Variants in TAFA4 observed in about 807,000 individuals in gnomAD.
TAFA4 encodes TAFA chemokine like family member 4.
In TAFA4, 20 loss-of-function variants were observed where a neutral mutation model predicts 21.1. The ratio of observed to expected loss-of-function variants is 0.95; its 90% confidence interval spans 0.67 to 1.38. The LOEUF (loss-of-function observed/expected upper bound fraction) is 1.38. Among genes scored for constraint, TAFA4 ranks in the 40% most tolerant of loss-of-function variants. The pLI is 0.00. For missense variants in TAFA4, 211 were observed against 180.9 expected, an observed-to-expected ratio of 1.17 and a Z score of -0.95; for synonymous variants, 71 against 67.4, an observed-to-expected ratio of 1.05 and a Z score of -0.26.
At chr3:68,795,662 G>C (rs1703441971) in intron 3 of TAFA4, among the ~76,000 whole-genome samples, 1 of 152,140 alleles carries the variant, frequency 6.6e-6, no homozygotes, top group South Asian at 2.1e-4. Context: ...AAATCCAGAG[G>C]AAAGTAGAGG....
At chr3:68,881,431 A>T (rs2089617269) in intron 2 of TAFA4, among the ~76,000 whole-genome samples, 1 of 152,184 alleles carries the variant, frequency 6.6e-6, no homozygotes, top group Admixed American at 6.5e-5. Flanking sequence ...GTTGCTCAAA[A>T]ACAATTCCGT....
intron 4 of TAFA4, among the ~76,000 whole-genome samples, chr3:68,750,227 T>A (rs574644172): frequency 3.0e-4 from 46 of 152,186 alleles, no homozygotes; most frequent in African/African-American, 1.1e-3. Flanking sequence ...AGCCCAGCAG[T>A]TCAAGGCAGC....
chr3:68,904,477 A>G (rs2089877889), intron 1 of TAFA4, among the ~76,000 whole-genome samples: 1 of 152,248 alleles, frequency 6.6e-6, no homozygotes, highest in Admixed American at 6.5e-5. Flanking sequence ...AAGCAGGCAA[A>G]TAATAGTAAA....
intron 3 of TAFA4, among the ~76,000 whole-genome samples, chr3:68,839,789 G>A (rs1412884899): frequency 2.6e-5 from 4 of 152,136 alleles, no homozygotes; most frequent in Non-Finnish European, 5.9e-5. Flanking sequence ...TACAGCTAAA[G>A]GGGAAAGCGT....
At chr3:68,878,713 A>T (rs965616260) in intron 3 of TAFA4, among the ~76,000 whole-genome samples, 2 of 152,170 alleles carry the variant, frequency 1.3e-5, no homozygotes, top group Non-Finnish European at 2.9e-5. Flanking sequence ...TGCCTGCTCA[A>T]TTATGATGGA....
rs777199118 is a variant in TAFA4, at chr3:68,880,892, G to A, written c.15-47C>T. 6.7e-6 allele frequency: 10 copies of A among 1,496,556 alleles called. No homozygotes were observed. In the African/African-American group the frequency reaches 1.4e-4, roughly 21 times the overall value. The allele number at this position is 1,496,556 out of a possible 1,614,324, so 92.7% of individuals were successfully genotyped here. A position where few individuals can be genotyped will look rare whatever the true frequency, so the allele number is the denominator to read the frequency against. On this transcript the variant is annotated intron_variant, in intron 2 of 5. Coordinates refer to ENST00000295569, the MANE Select transcript of TAFA4 (RefSeq NM_182522.5). ...AGTCAGTGAGGGCTGAGGAAGGCCA[G>A]ACTCCCTGGCAAGCACCATTCTAGG...
chr3:68,836,755 A>C lies in TAFA4; in HGVS notation c.130+43975T>G, dbSNP rs568157303. On this transcript the variant is annotated intron_variant, in intron 3 of 5. Coordinates refer to ENST00000295569, the MANE Select transcript of TAFA4 (RefSeq NM_182522.5). ...TACTAATTTGGAACCCACTTTGTAT[A>C]GCGAGAAAACACTCAGATTGGAGTC... Among the ~76,000 whole-genome samples, 9 of 150,428 alleles carry C rather than the reference A, an allele frequency of 6.0e-5. No homozygotes were observed. In the East Asian group the frequency reaches 1.7e-3, roughly 29 times the overall value.
chr3:68,740,788 ATTACAT>A (rs1490965985), intron 4 of TAFA4, among the ~76,000 whole-genome samples: 1 of 152,162 alleles, frequency 6.6e-6, no homozygotes, highest in Non-Finnish European at 1.5e-5. Context: ...CACTTCACAG[ATTACAT>A]TTACATCCTT....
intron 2 of TAFA4, among the ~76,000 whole-genome samples, chr3:68,882,697 G>A (rs894721353): frequency 2.0e-5 from 3 of 152,240 alleles, no homozygotes; most frequent in African/African-American, 2.4e-5. Context: ...ATCCAATACC[G>A]GAATTTGAGC....
intron 4 of TAFA4, among the ~76,000 whole-genome samples, chr3:68,742,077 T>A (rs1702366991): frequency 6.6e-6 from 1 of 152,194 alleles, no homozygotes; most frequent in Admixed American, 6.5e-5. Flanking sequence ...AATCAATAAA[T>A]GTGATACACC....
chr3:68,755,284 GAAC>G (rs1702640701), intron 3 of TAFA4, among the ~76,000 whole-genome samples: 1 of 152,162 alleles, frequency 6.6e-6, no homozygotes, highest in Non-Finnish European at 1.5e-5. Flanking sequence ...TCTTTTGTTA[GAAC>G]AACAGAAACT....
intron 1 of TAFA4, among the ~76,000 whole-genome samples, chr3:68,915,466 C>T (rs537426911): frequency 3.9e-4 from 59 of 152,286 alleles, no homozygotes; most frequent in Non-Finnish European, 6.9e-4. Flanking sequence ...GTCATTACTG[C>T]ATCTTTAAAG....
At chr3:68,900,949 G>C (rs2106983896) in intron 1 of TAFA4, among the ~76,000 whole-genome samples, 1 of 152,322 alleles carries the variant, frequency 6.6e-6, no homozygotes, top group Non-Finnish European at 1.5e-5. Flanking sequence ...GGGCAGGGCA[G>C]CATGGTTTGC....
intron 1 of TAFA4, among the ~76,000 whole-genome samples, chr3:68,923,334 TC>T (rs1204745785): frequency 9.9e-5 from 15 of 152,160 alleles, no homozygotes; most frequent in African/African-American, 3.4e-4. Context: ...AAACGTGCCT[TC>T]CTTTGTAATA....
chr3:68,733,694 C>T (rs1702192400), intron 5 of TAFA4, among the ~76,000 whole-genome samples: 1 of 152,046 alleles, frequency 6.6e-6, no homozygotes, highest in Admixed American at 6.6e-5. Flanking sequence ...AGTTTCTATT[C>T]ATGTAAGAAA....
intron 3 of TAFA4, among the ~76,000 whole-genome samples, chr3:68,860,738 G>A (rs571076602): frequency 6.6e-6 from 1 of 151,916 alleles, no homozygotes; most frequent in Admixed American, 6.6e-5. Flanking sequence ...CAAAAAAAAT[G>A]CATTTCAAAG....
chr3:68,785,563 C>T (rs55954934), intron 3 of TAFA4, among the ~76,000 whole-genome samples: 4,594 of 152,256 alleles, frequency 0.03, 236 homozygotes, highest in African/African-American at 0.1. Context: ...GCTCCTAATG[C>T]GGGGCCCACC....
chr3:68,906,911 G>C (rs1328514758), intron 1 of TAFA4, among the ~76,000 whole-genome samples: 1 of 151,606 alleles, frequency 6.6e-6, no homozygotes, highest in East Asian at 1.9e-4. Flanking sequence ...CATACCTGTG[G>C]TCTCAGTTAC....
At chr3:68,873,183 G>C (rs1444566756) in intron 3 of TAFA4, among the ~76,000 whole-genome samples, 1 of 152,028 alleles carries the variant, frequency 6.6e-6, no homozygotes, top group Non-Finnish European at 1.5e-5. Context: ...AGGCTCATTA[G>C]AAAACAAATT....
Sources: gnomAD v4.1 joint callset for allele counts (sites outside exome capture counted in the v4.1 genomes callset) on GRCh38, gnomAD v4.1.1 for gene constraint, MANE v1.5 for transcripts, NCBI Gene and HGNC (gene_info 2026-07-23, HGNC 2026-07-21) for gene names.